CAST: variants seen among roughly 807,000 people sequenced by gnomAD.
The protein encoded by CAST is MIR583 host.
A neutral mutation model predicts 119.6 loss-of-function variants in CAST; 76 were observed. That is an observed-to-expected ratio of 0.64 (90% CI 0.53 to 0.77). The LOEUF (loss-of-function observed/expected upper bound fraction) is 0.77, where lower values mean the gene tolerates loss of function less well. Among genes scored for constraint, CAST ranks in the 30% least tolerant of loss-of-function variants. CAST has a pLI of 0.00. For missense variants in CAST, 953 were observed against 946.5 expected, an observed-to-expected ratio of 1.01 and a Z score of -0.09; for synonymous variants, 319 against 331.6, an observed-to-expected ratio of 0.96 and a Z score of 0.41.
the CAST span, among the ~76,000 whole-genome samples, chr5:95,963,182 A>C: frequency 6.6e-6 from 1 of 152,154 alleles, no homozygotes; most frequent in South Asian, 2.1e-4. Context: ...AGCTTATAAA[A>C]CCATGTTCTG....
chr5:96,332,024 C>T, the CAST span, among the ~76,000 whole-genome samples: 4 of 152,116 alleles, frequency 2.6e-5, no homozygotes, highest in Admixed American at 2.6e-4. Flanking sequence ...AGCCAGAAGC[C>T]CCTCATGGCT....
intron 18 of CAST, among the ~76,000 whole-genome samples, chr5:96,747,863 T>C (rs1764110091): frequency 6.6e-6 from 1 of 152,184 alleles, no homozygotes; most frequent in South Asian, 2.1e-4. Context: ...CTGTTATTAT[T>C]CCCATTTTAC....
the CAST span, among the ~76,000 whole-genome samples, chr5:96,191,947 G>T: frequency 6.6e-6 from 1 of 152,272 alleles, no homozygotes; most frequent in Non-Finnish European, 1.5e-5. Flanking sequence ...TGACAAGAAT[G>T]GCTGAATTAC....
At chr5:96,364,465 G>T in the CAST span, among the ~76,000 whole-genome samples, 2 of 152,010 alleles carry the variant, frequency 1.3e-5, no homozygotes, top group African/African-American at 4.8e-5. Context: ...AACTTTTTTT[G>T]GTTGGTAGGC....
At chr5:96,140,612 C>T in the CAST span, among the ~76,000 whole-genome samples, 1 of 152,206 alleles carries the variant, frequency 6.6e-6, no homozygotes, top group Non-Finnish European at 1.5e-5. Flanking sequence ...TACTTGACCT[C>T]TCCAATCTTC....
intron 1 of CAST, among the ~76,000 whole-genome samples, chr5:96,617,579 G>C (rs948512918): frequency 6.6e-6 from 1 of 151,868 alleles, no homozygotes; most frequent in Non-Finnish European, 1.5e-5. Flanking sequence ...CACAAGGTCA[G>C]GAGATCGAGA....
At chr5:96,115,520 C>T in the CAST span, among the ~76,000 whole-genome samples, 1 of 152,300 alleles carries the variant, frequency 6.6e-6, no homozygotes, top group Non-Finnish European at 1.5e-5. Flanking sequence ...AGATAAGTAA[C>T]TTGTCCAAGG....
At chr5:96,212,996 G>A in the CAST span, among the ~76,000 whole-genome samples, 1 of 152,094 alleles carries the variant, frequency 6.6e-6, no homozygotes, top group Non-Finnish European at 1.5e-5. Flanking sequence ...GTGCACACCC[G>A]TAGTCCTAGC....
At chr5:96,427,220 G>A in the CAST span, among the ~76,000 whole-genome samples, 8,268 of 152,180 alleles carry the variant, frequency 0.054, 759 homozygotes, top group African/African-American at 0.19. Context: ...GCAATTTTTT[G>A]GAAATGGGAT....
At chr5:96,213,261 T>C in the CAST span, 2 of 152,320 alleles carry the variant, frequency 1.3e-5, no homozygotes, top group East Asian at 3.9e-4. Flanking sequence ...ACATAATATG[T>C]CTTTTTCTAT....
intron 1 of CAST, among the ~76,000 whole-genome samples, chr5:96,632,744 A>G (rs965521288): frequency 1.3e-5 from 2 of 151,918 alleles, no homozygotes; most frequent in Non-Finnish European, 2.9e-5. Context: ...AATTGACCAT[A>G]AACATGTGGT....
chr5:96,278,746 TACAC>T, the CAST span: 2 of 152,202 alleles, frequency 1.3e-5, no homozygotes, highest in South Asian at 2.1e-4. Flanking sequence ...CACTTGTGTA[TACAC>T]ACACACATGC....
intron 19 of CAST, among the ~76,000 whole-genome samples, chr5:96,750,058 C>G (rs1764661332): frequency 6.6e-6 from 1 of 152,150 alleles, no homozygotes; most frequent in African/African-American, 2.4e-5. Flanking sequence ...ACTTCCAAAA[C>G]TTGTGGCTTA....
chr5:96,433,331 A>T, the CAST span: 1 of 460,240 alleles, frequency 2.2e-6, no homozygotes, highest in Non-Finnish European at 4.0e-6. Context: ...CGTCAGATCT[A>T]CCTGGACTAA....
At chr5:96,718,195 G>C (rs911245156) in intron 3 of CAST, among the ~76,000 whole-genome samples, 1 of 152,192 alleles carries the variant, frequency 6.6e-6, no homozygotes, top group Non-Finnish European at 1.5e-5. Flanking sequence ...CATTGGAGCA[G>C]GGATTTCAGC....
the CAST span, among the ~76,000 whole-genome samples, chr5:96,026,145 G>A: frequency 1.3e-5 from 2 of 152,170 alleles, no homozygotes; most frequent in African/African-American, 4.8e-5. Context: ...TTCAGCCTGG[G>A]AGGTCAAGGC....
chr5:96,673,066 C>G (rs191564418), intron 1 of CAST, among the ~76,000 whole-genome samples: 1 of 152,260 alleles, frequency 6.6e-6, no homozygotes, highest in African/African-American at 2.4e-5. Flanking sequence ...TAAAGTTTCT[C>G]TTTTGTGAAA....
At chr5:96,536,256 G>C (rs912815050) in intron 1 of CAST, among the ~76,000 whole-genome samples, 1 of 152,060 alleles carries the variant, frequency 6.6e-6, no homozygotes, top group African/African-American at 2.4e-5. Context: ...TTACTAGGGA[G>C]GCTGAAGCAG....
chr5:96,592,764 C>CTT (rs763848888), intron 1 of CAST, among the ~76,000 whole-genome samples: 75 of 146,884 alleles, frequency 5.1e-4, no homozygotes, highest in African/African-American at 7.0e-4. Context: ...GTTTTATTTT[C>CTT]TTTTTTTTTT....
Sources: gnomAD v4.1 joint callset for allele counts (sites outside exome capture counted in the v4.1 genomes callset) on GRCh38, gnomAD v4.1.1 for gene constraint, MANE v1.5 for transcripts, NCBI Gene and HGNC (gene_info 2026-07-23, HGNC 2026-07-21) for gene names.